Variants in TM6SF2 observed in about 807,000 individuals in gnomAD.
TM6SF2 encodes transmembrane 6 superfamily member 2.
A neutral mutation model predicts 41.0 loss-of-function variants in TM6SF2; 29 were observed. That is an observed-to-expected ratio of 0.71 (90% CI 0.53 to 0.96). TM6SF2 has a LOEUF of 0.96. Ranked by LOEUF, TM6SF2 falls within the 50% of genes least tolerant of loss-of-function variation. TM6SF2 has a pLI of 0.00. For missense variants in TM6SF2, 475 were observed against 499.0 expected (o/e 0.95, Z 0.46); for synonymous variants, 200 against 209.1 (o/e 0.96, Z 0.37).
At chr19:19,273,029 C>T (rs903228452) in intron 1 of TM6SF2, 92 bp downstream of exon 1, 3 of 1,048,752 alleles carry the variant, frequency 2.9e-6, no homozygotes, top group Non-Finnish European at 2.6e-6. Flanking sequence ...GTCCGCGGAC[C>T]GCGCATCCTC....
rs2061002986 is a variant in TM6SF2 at position 19,266,382 on chromosome 19, C to T, written c.924+108G>A. ...GGGATATTGGGCCTGGGGCTGGGGC[C>T]TCTTGGGGGCTCATCATTACAGTGC... is the stretch of plus-strand genomic sequence containing the variant. On this transcript the variant is annotated intron_variant, in intron 9 of 9. Coordinates refer to ENST00000389363, the MANE Select transcript of TM6SF2 (RefSeq NM_001001524.3). 9 of 1,483,826 alleles carry T rather than the reference C, an allele frequency of 6.1e-6. 1 individual carries two copies. The Admixed American group carries it at 1.0e-4, about 17-fold the overall frequency. 91.9% of individuals were successfully genotyped at this position (1,483,826 alleles called of 1,614,324 possible).
At chr19:19,273,058 T>TACAGG in intron 1 of TM6SF2, 63 bp downstream of exon 1, 1 of 470,236 alleles carries the variant, frequency 2.1e-6, no homozygotes, top group Non-Finnish European at 3.8e-6. Context: ...CCACCTCCAG[T>TACAGG]CCTCCCCGCC....
intron 1 of TM6SF2, 60 bp downstream of exon 1, chr19:19,273,061 T>TGGCCCCCCCCCCCCCCCCCC: frequency 6.5e-6 from 2 of 305,466 alleles, no homozygotes; most frequent in East Asian, 8.6e-5. Flanking sequence ...CCTCCAGTCC[T>TGGCCCCCCCCCCCCCCCCCC]CCCCGCCCCC....
At chr19:19,270,061 G>A in intron 4 of TM6SF2, 112 bp downstream of exon 4, 1 of 1,551,262 alleles carries the variant, frequency 6.4e-7, no homozygotes, top group African/African-American at 1.4e-5. Flanking sequence ...CCCTAGAGAG[G>A]CGTCCTGATT....
intron 1 of TM6SF2, among the ~76,000 whole-genome samples, chr19:19,272,692 GGTGT>G (rs55690765): frequency 3.1e-4 from 42 of 136,770 alleles, no homozygotes; most frequent in South Asian, 5.3e-4. Flanking sequence ...AATGGAGTAG[GGTGT>G]GTGTGTGTGT....
At chr19:19,268,109 G>T in intron 6 of TM6SF2, 22 bp from the exon 7 acceptor site, 1 of 1,558,814 alleles carries the variant, frequency 6.4e-7, no homozygotes, top group Non-Finnish European at 8.8e-7. Context: ...GAGAGAAACA[G>T]ACAGCATGAG....
In TM6SF2 at chr19:19,264,647, C is replaced by T; in HGVS notation, c.*17G>A. 1 of 1,456,022 alleles carries T rather than the reference C, an allele frequency of 6.9e-7. No individual in the cohort carries two copies. Among genetic ancestry groups the T allele is most frequent in the Non-Finnish European group, 9.1e-7 (1 of 1,098,760 alleles). The allele number at this position is 1,456,022 out of a possible 1,614,324, so 90.2% of individuals were successfully genotyped here. ...GGGCACGTAAACAGAGTCCTGGGTCCTGAGTCCACAGCTCTCTCAATGCTG... is the reference window on the plus strand; with the variant it reads ...GGGCACGTAAACAGAGTCCTGGGTCTTGAGTCCACAGCTCTCTCAATGCTG... On this transcript the variant is annotated 3_prime_UTR_variant, in exon 10 of 10. Coordinates refer to ENST00000389363, the MANE Select transcript of TM6SF2 (RefSeq NM_001001524.3).
At position 19,270,168 on chromosome 19, in the gene TM6SF2, T is replaced by G. The variant is rs1383598333; in HGVS notation, c.401+5A>C. ...CAGGGGCCACCCTCTCCCTGCCTCC[T>G]GCACCTTCTGCAGATGGCGCCGGCC... On this transcript the variant is annotated splice_donor_5th_base_variant and intron_variant, in intron 4 of 9. Transcript: ENST00000389363. 1.2e-6 allele frequency: 2 copies of G among 1,613,696 alleles called. No individual in the cohort carries two copies. The highest frequency in any genetic ancestry group is 2.7e-5 in the African/African-American group (2 of 74,954).
intron 4 of TM6SF2, 182 bp downstream of exon 4, chr19:19,269,991 G>A: frequency 6.7e-7 from 1 of 1,488,396 alleles, no homozygotes; most frequent in Non-Finnish European, 8.9e-7. Context: ...AGCAATGCTA[G>A]GCCACCACCT....
chr19:19,268,774 A>G lies in TM6SF2; in HGVS notation c.485-20T>C, dbSNP rs766109869. 1.9e-6 allele frequency: 3 copies of G among 1,575,440 alleles called. No individual in the cohort carries two copies. The highest frequency in any genetic ancestry group is 1.9e-5 in the Admixed American group (1 of 51,698). ...ATTTGCCTTCCATGGTGCAGGAGAG[A>G]GGGCATCAGCCATGCCAGAACCCTG... is the stretch of plus-strand genomic sequence containing the variant. On this transcript the variant is annotated intron_variant, in intron 5 of 9. Coordinates refer to ENST00000389363, the MANE Select transcript of TM6SF2 (RefSeq NM_001001524.3).
chr19:19,268,910 G>C (rs561951989), intron 5 of TM6SF2, among the ~76,000 whole-genome samples, 156 bp from the exon 6 acceptor site: 1 of 152,282 alleles, frequency 6.6e-6, no homozygotes, highest in Admixed American at 6.5e-5. Context: ...CCAGGTTCAA[G>C]CAATTCTCTT....
At chr19:19,272,262 C>T (rs1057072923) in intron 1 of TM6SF2, among the ~76,000 whole-genome samples, 11 of 152,220 alleles carry the variant, frequency 7.2e-5, no homozygotes, top group African/African-American at 2.7e-4. Context: ...TCCATCCTGA[C>T]CCCATCTAAC....
intron 1 of TM6SF2, 55 bp downstream of exon 1, chr19:19,273,066 G>GCCCCCCCCCC: frequency 1.2e-5 from 2 of 163,438 alleles, no homozygotes; most frequent in Non-Finnish European, 2.2e-5. Flanking sequence ...AGTCCTCCCC[G>GCCCCCCCCCC]CCCCCGCCCG....
chr19:19,267,348 A>G (rs1357857697), intron 8 of TM6SF2, among the ~76,000 whole-genome samples: 1 of 148,882 alleles, frequency 6.7e-6, no homozygotes, highest in East Asian at 1.9e-4. Flanking sequence ...AGCCTGGGCC[A>G]CAAGAGCAAA....
At position 19,267,614 on chromosome 19, in the gene TM6SF2, C is replaced by T. The variant is rs566271444; in HGVS notation, c.804+7G>A. ...GGGGTGTGGTCTTCTCCCCGCTCCC[C>T]TCTCACCTGCACCTTAGGGTAGGCC... is the stretch of plus-strand genomic sequence containing the variant. On this transcript the variant is annotated splice_region_variant and intron_variant, in intron 8 of 9. Transcript: ENST00000389363. 1.2e-5 allele frequency: 19 copies of T among 1,611,462 alleles called. No individual in the cohort carries two copies. The African/African-American group carries it at 2.5e-4, about 22-fold the overall frequency.
intron 8 of TM6SF2, 23 bp from the exon 9 acceptor site, chr19:19,266,632 G>A: frequency 6.3e-7 from 1 of 1,598,270 alleles, no homozygotes; most frequent in Non-Finnish European, 8.5e-7. Context: ...GAGGAGAGGG[G>A]CACCAGCCTG....
intron 8 of TM6SF2, 167 bp from the exon 9 acceptor site, chr19:19,266,776 C>T (rs2061004525): frequency 5.3e-6 from 4 of 755,606 alleles, no homozygotes; most frequent in Non-Finnish European, 8.2e-6. Flanking sequence ...GGATCCTTGC[C>T]CCCAACCCCC....
At chr19:19,266,159 G>A (rs1462732079) in intron 9 of TM6SF2, among the ~76,000 whole-genome samples, 2 of 152,034 alleles carry the variant, frequency 1.3e-5, no homozygotes, top group Non-Finnish European at 2.9e-5. Context: ...CTCCCTCTGT[G>A]CTTCTCCTTG....
At chr19:19,265,988 G>A (rs1236843542) in intron 9 of TM6SF2, among the ~76,000 whole-genome samples, 2 of 152,094 alleles carry the variant, frequency 1.3e-5, no homozygotes, top group African/African-American at 4.8e-5. Flanking sequence ...CCAGAAAAAG[G>A]CTCCTAGCTC....
Sources: allele counts gnomAD v4.1 joint callset (sites outside exome capture counted in the v4.1 genomes callset), GRCh38; gene constraint gnomAD v4.1.1; transcripts MANE v1.5; gene names NCBI Gene and HGNC (gene_info 2026-07-23, HGNC 2026-07-21).